Variants in ZNF135 observed in about 807,000 individuals in gnomAD.
ZNF135 encodes zinc finger protein 135.
ZNF135 carries 11 observed loss-of-function variants against 12.3 expected under a neutral mutation model. That is an observed-to-expected ratio of 0.89 (90% CI 0.56 to 1.48). The LOEUF is 1.48. ZNF135 is among the 40% of genes most tolerant of loss of function. ZNF135 has a pLI of 0.00. For missense variants in ZNF135, 722 were observed against 815.7 expected (o/e 0.89, Z 1.40); for synonymous variants, 316 against 312.0 (o/e 1.01, Z -0.14).
intron 4 of ZNF135, 177 bp from the exon 5 acceptor site, chr19:58,066,564 T>C (rs1163434393): frequency 1.3e-6 from 1 of 759,378 alleles, no homozygotes; most frequent in Non-Finnish European, 2.1e-6. Flanking sequence ...TTCCTTATTC[T>C]GTGTTTCCCT....
rs765290837 is a variant in ZNF135 at position 58,068,124 on chromosome 19, A to G, written c.1640A>G (p.Glu547Gly). ...CAGCATCAGAGGATCCACACAGGAG[A>G]GAAACCCTATGAATGTAACCAGTGT... The part of the protein sequence containing the change: ...LIQHQRIHTG[E>G]KPYECNQCGR... Residue 547 changes from glutamate to glycine, a missense_variant, in exon 5 of 5, where the codon GAG (glutamate) becomes GGG (glycine). Coordinates refer to ENST00000313434, the MANE Select transcript of ZNF135 (RefSeq NM_001289401.2). The G allele has an allele frequency of 2.7e-5, 44 of 1,614,096 alleles. No individual in the cohort carries two copies. The highest frequency in any genetic ancestry group is 1.0e-5 in the Non-Finnish European group (12 of 1,180,050).
At position 58,061,686 on chromosome 19, in the gene ZNF135, T is replaced by G. The variant is rs1398335830; in HGVS notation, c.140T>G (p.Phe47Cys). 8.7e-6 allele frequency: 14 copies of G among 1,613,082 alleles called. No individual in the cohort carries two copies. The highest frequency in any genetic ancestry group is 1.3e-5 in the African/African-American group (1 of 74,980). ...TLYRDVMLDT[F>C]RLLVSVGHWL... ...TACCGTGATGTAATGCTGGACACCT[T>G]CAGGCTTCTGGTCTCTGTGGGTAAG... is the stretch of plus-strand genomic sequence containing the variant. The change falls in exon 3 of 5, where the codon TTC becomes TGC. Residue 47 changes from phenylalanine to cysteine, a missense_variant. Coordinates refer to ENST00000313434, the MANE Select transcript of ZNF135 (RefSeq NM_001289401.2).
In ZNF135 at chr19:58,063,888, C is replaced by T. The variant is rs2074024382; in HGVS notation, c.256+347C>T. On this transcript the variant is annotated intron_variant, in intron 4 of 4. Coordinates refer to ENST00000313434, the MANE Select transcript of ZNF135 (RefSeq NM_001289401.2). The surrounding 1 kb of genome is among the most constrained non-coding windows in gnomAD (Gnocchi z 4.4). Reference sequence around the variant, plus strand: ...CTTTAGCAGAGAGATGAGGGATAGCCTCTCCAAGGAGGTGACATGTGACTT... The same window carrying T: ...CTTTAGCAGAGAGATGAGGGATAGCTTCTCCAAGGAGGTGACATGTGACTT... Among the ~76,000 whole-genome samples the T allele has an allele frequency of 6.6e-6, 1 of 152,144 alleles. No homozygotes were observed. Among genetic ancestry groups the T allele is most frequent in the African/African-American group, 2.4e-5 (1 of 41,434 alleles).
At position 58,068,130 on chromosome 19, in the gene ZNF135, C is replaced by T. The variant is rs1457127215; in HGVS notation, c.1646C>T (p.Pro549Leu). ...QHQRIHTGEK[P>L]YECNQCGRAF... ...CAGAGGATCCACACAGGAGAGAAAC[C>T]CTATGAATGTAACCAGTGTGGCAGA... The change falls in exon 5 of 5, where the codon CCC (proline) becomes CTC (leucine). Residue 549 changes from proline to leucine, a missense_variant. By Grantham distance (98) the Pro-to-Leu change is moderately conservative. Coordinates refer to ENST00000313434, the MANE Select transcript of ZNF135 (RefSeq NM_001289401.2). 9 of 1,614,188 alleles carry T rather than the reference C, an allele frequency of 5.6e-6. No individual in the cohort carries two copies. Among genetic ancestry groups the T allele is most frequent in the Non-Finnish European group, 7.6e-6 (9 of 1,180,040 alleles).
At position 58,069,346 on chromosome 19, in the gene ZNF135, A is replaced by G. The variant is rs2074130962; in HGVS notation, c.*885A>G. 2 of 152,194 alleles carry G rather than the reference A, an allele frequency of 1.3e-5. No individual in the cohort carries two copies. The highest frequency in any genetic ancestry group is 2.4e-5 in the African/African-American group (1 of 41,464). 9.4% of individuals were successfully genotyped at this position (152,194 alleles called of 1,614,324 possible). On this transcript the variant is annotated 3_prime_UTR_variant, in exon 5 of 5. Coordinates refer to ENST00000313434, the MANE Select transcript of ZNF135 (RefSeq NM_001289401.2). ...AGAAACACAGATATTTGTTTTACAA[A>G]AAGGGAGATTTTTCCTTTGTTAAAC...
chr19:58,067,879 C>G lies in ZNF135; in HGVS notation c.1395C>G (p.Pro465=). ...QHERTHTGEK[P]YECSQCGKAF... is the part of the protein sequence containing the mutation. ...AGCGGACACACACAGGAGAGAAGCC[C>G]TATGAGTGCAGTCAGTGTGGGAAGG... Residue 465 remains proline, a synonymous_variant, in exon 5 of 5, where the codon CCC becomes CCG. Transcript: ENST00000313434. 1 of 1,613,068 alleles carries G rather than the reference C, an allele frequency of 6.2e-7. No individual in the cohort carries two copies. The highest frequency in any genetic ancestry group is 1.1e-5 in the South Asian group (1 of 91,024).
Position 58,060,222 on chromosome 19 carries a change from T to C in ZNF135, c.33+187T>C. ...CCGGCCTCTACTCGCACAACTGGCC[T>C]CTACTCGCGCACCTGGCCTCTACTG... On this transcript the variant is annotated intron_variant, in intron 2 of 4. Transcript: ENST00000313434. The surrounding 1 kb of genome is among the most constrained non-coding windows in gnomAD (Gnocchi z 4.9). 6.9e-7 allele frequency: 1 copy of C among 1,447,028 alleles called. No homozygotes were observed. Among genetic ancestry groups the C allele is most frequent in the Non-Finnish European group, 9.2e-7 (1 of 1,091,986 alleles). 89.6% of individuals were successfully genotyped at this position (1,447,028 alleles called of 1,614,324 possible).
In ZNF135 at chr19:58,067,366, T is replaced by G. The variant is rs1460144018; in HGVS notation, c.882T>G (p.Gly294=). ...TCCAGCACCAGAGAACTCACACAGGTGAGAAGCCCTATGAATGCAGCGAAT... is the reference window on the plus strand; with the variant it reads ...TCCAGCACCAGAGAACTCACACAGGGGAGAAGCCCTATGAATGCAGCGAAT... The part of the protein sequence containing the change: ...PLIQHQRTHT[G]EKPYECSECG... Residue 294 remains glycine (G), a synonymous_variant, in exon 5 of 5, where the codon GGT becomes GGG. Coordinates refer to ENST00000313434, the MANE Select transcript of ZNF135 (RefSeq NM_001289401.2). 24 of 1,613,328 alleles carry G rather than the reference T, an allele frequency of 1.5e-5. No individual in the cohort carries two copies. Among genetic ancestry groups the G allele is most frequent in the Non-Finnish European group, 1.9e-5 (22 of 1,179,788 alleles).
chr19:58,067,662 A>C lies in ZNF135; in HGVS notation c.1178A>C (p.Gln393Pro). Residue 393 changes from glutamine to proline, a missense_variant, in exon 5 of 5, where the codon CAG becomes CCG. Physicochemically the swap from Gln to Pro is moderately conservative, Grantham distance 76 (BLOSUM62 -1). Transcript: ENST00000313434. ...ECHECGKAFT[Q>P]ITPLIQHQRT... ...CATGAGTGTGGAAAAGCCTTCACCCAGATCACACCACTGATTCAGCACCAG... is the reference window on the plus strand; with the variant it reads ...CATGAGTGTGGAAAAGCCTTCACCCCGATCACACCACTGATTCAGCACCAG... 1 of 1,613,752 alleles carries C rather than the reference A, an allele frequency of 6.2e-7. No individual in the cohort carries two copies. Among genetic ancestry groups the C allele is most frequent in the South Asian group, 1.1e-5 (1 of 91,056 alleles).
At position 58,060,157 on chromosome 19, in the gene ZNF135, G is replaced by C. The variant is rs2073947225; in HGVS notation, c.33+122G>C. The C allele has an allele frequency of 6.4e-7, 1 of 1,562,118 alleles. No individual in the cohort carries two copies. Among genetic ancestry groups the C allele is most frequent in the Non-Finnish European group, 8.6e-7 (1 of 1,160,556 alleles). ...CCTACTCGCGCTCAGCCTCCTCCTT[G>C]TGCCCGGCCCCTACTTGCGTGCCCG... On this transcript the variant is annotated intron_variant, in intron 2 of 4. Transcript: ENST00000313434. The surrounding 1 kb of genome is among the most constrained non-coding windows in gnomAD (Gnocchi z 4.9).
rs2074022497 is a variant in ZNF135 at position 58,063,785 on chromosome 19, T to C, written c.256+244T>C. ...GGTAAAATAATAATAATAAAACAAGTTGGATGATTACAGATTGTGATGAAT... is the reference window on the plus strand; with the variant it reads ...GGTAAAATAATAATAATAAAACAAGCTGGATGATTACAGATTGTGATGAAT... On this transcript the variant is annotated intron_variant, in intron 4 of 4. Transcript: ENST00000313434. This position sits in a 1 kb window ranked among gnomAD's most constrained non-coding sequence, Gnocchi z 4.4. The C allele has an allele frequency of 1.3e-5, 11 of 821,074 alleles. No homozygotes were observed. Among genetic ancestry groups the C allele is most frequent in the Non-Finnish European group, 1.6e-5 (11 of 680,270 alleles). The allele number at this position is 821,074 out of a possible 1,614,324, so 50.9% of individuals were successfully genotyped here.
chr19:58,060,338 T>G lies in ZNF135; in HGVS notation c.33+303T>G. ...TACCTGCACACCCGGCCTCCTAAAG[T>G]CCGCGCCAAGCTCCCCAACCACAGC... On this transcript the variant is annotated intron_variant, in intron 2 of 4. Coordinates refer to ENST00000313434, the MANE Select transcript of ZNF135 (RefSeq NM_001289401.2). The surrounding 1 kb of genome is among the most constrained non-coding windows in gnomAD (Gnocchi z 4.9). The G allele has an allele frequency of 7.6e-7, 1 of 1,311,866 alleles. No homozygotes were observed. Among genetic ancestry groups the G allele is most frequent in the Non-Finnish European group, 9.8e-7 (1 of 1,025,280 alleles). The allele number at this position is 1,311,866 out of a possible 1,614,324, so 81.3% of individuals were successfully genotyped here. A position where few individuals can be genotyped will look rare whatever the true frequency, so the allele number is the denominator to read the frequency against.
chr19:58,067,508 A>C lies in ZNF135; in HGVS notation c.1024A>C (p.Thr342Pro). The C allele has an allele frequency of 6.2e-7, 1 of 1,613,902 alleles. No homozygotes were observed. Among genetic ancestry groups the C allele is most frequent in the Non-Finnish European group, 8.5e-7 (1 of 1,179,966 alleles). The stretch of plus-strand genomic sequence containing the variant: ...AGCCTTCCGGCAAAGCATCCACCTC[A>C]CCCAGCATCTGCGAATCCACACTGG... ...GKAFRQSIHLTQHLRIHTGEK... is the reference protein window; with the variant it reads ...GKAFRQSIHLPQHLRIHTGEK... The change falls in exon 5 of 5, where the codon ACC becomes CCC. Residue 342 changes from threonine (T) to proline (P), a missense_variant. Physicochemically the swap from Thr to Pro is conservative, Grantham distance 38. Coordinates refer to ENST00000313434, the MANE Select transcript of ZNF135 (RefSeq NM_001289401.2).
rs763312954 is a variant in ZNF135 at position 58,067,916 on chromosome 19, A to G, written c.1432A>G (p.Ser478Gly). 7 of 1,613,332 alleles carry G rather than the reference A, an allele frequency of 4.3e-6. No individual in the cohort carries two copies. Among genetic ancestry groups the G allele is most frequent in the Non-Finnish European group, 5.1e-6 (6 of 1,179,904 alleles). Residue 478 changes from serine (S) to glycine (G), a missense_variant, in exon 5 of 5, where the codon AGC becomes GGC. Transcript: ENST00000313434. ...CSQCGKAFRQ[S>G]THLTQHQRIH... is the part of the protein sequence containing the mutation. ...TCAGTGTGGGAAGGCCTTCCGGCAGAGCACACACCTCACCCAACACCAGCG... is the reference window on the plus strand; with the variant it reads ...TCAGTGTGGGAAGGCCTTCCGGCAGGGCACACACCTCACCCAACACCAGCG...
chr19:58,067,109 G>A lies in ZNF135; in HGVS notation c.625G>A (p.Val209Ile). The A allele has an allele frequency of 6.2e-7, 1 of 1,614,234 alleles. No homozygotes were observed. Among genetic ancestry groups the A allele is most frequent in the Non-Finnish European group, 8.5e-7 (1 of 1,180,042 alleles). Residue 209 changes from valine to isoleucine, a missense_variant, in exon 5 of 5, where the codon GTA (valine) becomes ATA (isoleucine). Coordinates refer to ENST00000313434, the MANE Select transcript of ZNF135 (RefSeq NM_001289401.2). ...CCTAAATGTTTTACAGAAAACCTGT[G>A]TAAAAGAGAAACCCTACAAATGTCA... ...PDLNVLQKTC[V>I]KEKPYKCQEC...
intron 4 of ZNF135, among the ~76,000 whole-genome samples, chr19:58,064,899 A>G (rs1304401903): frequency 1.3e-5 from 2 of 152,174 alleles, no homozygotes; most frequent in Non-Finnish European, 2.9e-5. Flanking sequence ...CAAAAAAAAC[A>G]AAGTGTTAAC....
rs34972017 is a variant in ZNF135, at chr19:58,067,188, C to T, written c.704C>T (p.Thr235Met). 3.7e-4 allele frequency: 593 copies of T among 1,614,040 alleles called. 2 individuals carry two copies. The African/African-American group carries it at 6.5e-3, about 18-fold the overall frequency. Residue 235 changes from threonine (T) to methionine (M), a missense_variant, in exon 5 of 5, where the codon ACG becomes ATG. Thr to Met is a moderately conservative substitution (Grantham distance 81, BLOSUM62 -1). Transcript: ENST00000313434. ...TCAGCACTTATCGAACACCACCGGA[C>T]GCACACAGGAGAGAGACCTTACGAA... Reference protein sequence around the residue: ...HSSALIEHHRTHTGERPYECH... With the variant: ...HSSALIEHHRMHTGERPYECH...
At position 58,063,683 on chromosome 19, in the gene ZNF135, T is replaced by C; in HGVS notation, c.256+142T>C. On this transcript the variant is annotated intron_variant, in intron 4 of 4. Transcript: ENST00000313434. The surrounding 1 kb of genome is among the most constrained non-coding windows in gnomAD (Gnocchi z 4.4). ...GATTTACCAAGCACCCATTTTGCTG[T>C]GAGTGACGACACCACGTCCTCATCT... 6.9e-7 allele frequency: 1 copy of C among 1,441,788 alleles called. No homozygotes were observed. The highest frequency in any genetic ancestry group is 9.1e-7 in the Non-Finnish European group (1 of 1,094,894). 89.3% of individuals were successfully genotyped at this position (1,441,788 alleles called of 1,614,324 possible).
At position 58,059,647 on chromosome 19, in the gene ZNF135, G is replaced by T. The variant is rs2073933227; in HGVS notation, c.-34-322G>T. On this transcript the variant is annotated intron_variant, in intron 1 of 4. Coordinates refer to ENST00000313434, the MANE Select transcript of ZNF135 (RefSeq NM_001289401.2). The surrounding 1 kb of genome is among the most constrained non-coding windows in gnomAD (Gnocchi z 6.5). ...TGGGCCGCCACCTTTGTTGATGGAA[G>T]AGAGAAACTGAGGCATAGTGCCCAG... 2.0e-6 allele frequency: 1 copy of T among 511,262 alleles called. No individual in the cohort carries two copies. Among genetic ancestry groups the T allele is most frequent in the Non-Finnish European group, 3.4e-6 (1 of 291,864 alleles). The allele number at this position is 511,262 out of a possible 1,614,324, so 31.7% of individuals were successfully genotyped here.
Sources: allele counts gnomAD v4.1 joint callset (sites outside exome capture counted in the v4.1 genomes callset), GRCh38; gene constraint gnomAD v4.1.1; non-coding constraint Gnocchi (gnomAD v3.1); transcripts MANE v1.5; gene names NCBI Gene and HGNC (gene_info 2026-07-23, HGNC 2026-07-21).